SLC25A21: variants seen among roughly 807,000 people sequenced by gnomAD.
The protein encoded by SLC25A21 is solute carrier family 25 member 21, also known as mitochondrial 2-oxodicarboxylate carrier.
SLC25A21 carries 47 observed loss-of-function variants against 43.8 expected under a neutral mutation model. That is an observed-to-expected ratio of 1.07 (90% CI 0.85 to 1.37). SLC25A21 has a LOEUF of 1.37. SLC25A21 is among the 40% of genes most tolerant of loss of function. SLC25A21 has a pLI of 0.00. For missense variants in SLC25A21, 352 were observed against 350.2 expected (o/e 1.00, Z -0.04); for synonymous variants, 131 against 121.3 (o/e 1.08, Z -0.52).
intron 1 of SLC25A21, among the ~76,000 whole-genome samples, chr14:36,970,853 T>G (rs1244066061): frequency 6.6e-6 from 1 of 152,238 alleles, no homozygotes; most frequent in Non-Finnish European, 1.5e-5. Context: ...TACTATAGGT[T>G]AGGAATATTA....
chr14:37,085,517 T>A (rs1962467429), intron 1 of SLC25A21, among the ~76,000 whole-genome samples: 1 of 152,226 alleles, frequency 6.6e-6, no homozygotes, highest in South Asian at 2.1e-4. Flanking sequence ...GATGAACACA[T>A]TGATTCTCAA....
chr14:36,859,865 A>C (rs1890017826), intron 2 of SLC25A21, among the ~76,000 whole-genome samples: 1 of 152,214 alleles, frequency 6.6e-6, no homozygotes, highest in African/African-American at 2.4e-5. Flanking sequence ...TTTTCCAAAT[A>C]CATAATTTGA....
chr14:36,872,538 G>C (rs572080193), intron 2 of SLC25A21, among the ~76,000 whole-genome samples: 81 of 152,238 alleles, frequency 5.3e-4, no homozygotes, highest in Non-Finnish European at 1.1e-3. Context: ...TATCAATCTT[G>C]CATATTCTAC....
At chr14:37,053,880 A>G (rs1961762905) in intron 1 of SLC25A21, among the ~76,000 whole-genome samples, 1 of 152,234 alleles carries the variant, frequency 6.6e-6, no homozygotes, top group African/African-American at 2.4e-5. Flanking sequence ...AATGGATTAA[A>G]GCACATCAAT....
chr14:36,826,468 T>C (rs1888836276), intron 2 of SLC25A21, among the ~76,000 whole-genome samples: 1 of 152,148 alleles, frequency 6.6e-6, no homozygotes, highest in South Asian at 2.1e-4. Context: ...TAAGCCACTC[T>C]CCCTGCTCTG....
At chr14:36,803,567 TTTA>T (rs1332104190) in intron 3 of SLC25A21, among the ~76,000 whole-genome samples, 1 of 152,218 alleles carries the variant, frequency 6.6e-6, no homozygotes. Context: ...ACAACCTCTC[TTTA>T]AGAGTTTCCA....
chr14:37,084,108 G>C (rs947981069), intron 1 of SLC25A21, among the ~76,000 whole-genome samples: 3 of 152,122 alleles, frequency 2.0e-5, no homozygotes, highest in African/African-American at 7.2e-5. Flanking sequence ...GCCACAGCTT[G>C]AACCATTAAT....
rs148038041 is a variant in SLC25A21, at chr14:36,679,128, A to G, written c.*1530T>C. ...CAGCGCTCTCATTGGATGTAAGAAT[A>G]TTACCTGCAAGGATAGAATGCAGTT... On this transcript the variant is annotated 3_prime_UTR_variant, in exon 10 of 10. Transcript: ENST00000331299. 9.5e-4 allele frequency: 932 copies of G among 985,416 alleles called. 5 individuals are homozygous for G. The African/African-American group carries it at 0.015, about 16-fold the overall frequency. 61.0% of individuals were successfully genotyped at this position (985,416 alleles called of 1,614,324 possible).
At chr14:36,760,434 T>C (rs1444162463) in intron 3 of SLC25A21, among the ~76,000 whole-genome samples, 1 of 151,978 alleles carries the variant, frequency 6.6e-6, no homozygotes, top group African/African-American at 2.4e-5. Flanking sequence ...GAGATAGTAA[T>C]TTTTTTATTG....
chr14:36,829,769 C>T (rs1225269020), intron 2 of SLC25A21, among the ~76,000 whole-genome samples: 2 of 152,206 alleles, frequency 1.3e-5, no homozygotes, highest in East Asian at 3.8e-4. Context: ...CCAAGCCCAA[C>T]CCCTTCAGCA....
intron 1 of SLC25A21, among the ~76,000 whole-genome samples, chr14:36,923,103 T>G (rs535586382): frequency 6.6e-6 from 1 of 152,128 alleles, no homozygotes; most frequent in African/African-American, 2.4e-5. Flanking sequence ...CTATAAATCA[T>G]GTATTTAAAA....
At chr14:36,891,090 C>T (rs1891060398) in intron 1 of SLC25A21, among the ~76,000 whole-genome samples, 3 of 152,062 alleles carry the variant, frequency 2.0e-5, no homozygotes, top group South Asian at 2.1e-4. Context: ...TAGATACCAA[C>T]GAATGAAAAA....
chr14:36,710,100 C>T (rs562361515), intron 7 of SLC25A21, among the ~76,000 whole-genome samples: 1 of 152,228 alleles, frequency 6.6e-6, no homozygotes, highest in African/African-American at 2.4e-5. Context: ...TAAGGTCTTA[C>T]TTGGCTGGGC....
chr14:36,890,905 A>C (rs1891056331), intron 1 of SLC25A21, among the ~76,000 whole-genome samples: 1 of 152,214 alleles, frequency 6.6e-6, no homozygotes, highest in Non-Finnish European at 1.5e-5. Flanking sequence ...GCATGTCGTA[A>C]AGAAATGCAA....
chr14:36,850,807 G>GAAT (rs1889704402), intron 2 of SLC25A21, among the ~76,000 whole-genome samples: 1 of 152,122 alleles, frequency 6.6e-6, no homozygotes, highest in African/African-American at 2.4e-5. Context: ...ATCTATTTAA[G>GAAT]AAGCAATATT....
rs372491771 is a variant in SLC25A21, at chr14:36,838,194, G to A, written c.120-24193C>T. The stretch of plus-strand genomic sequence containing the variant: ...CACACGGCTGCCAGGGCCTCACTCG[G>A]CTTTCTCCTCGGTGTGAGGATACGG... On this transcript the variant is annotated intron_variant, in intron 2 of 9. Coordinates refer to ENST00000331299, the MANE Select transcript of SLC25A21 (RefSeq NM_030631.4). Among the ~76,000 whole-genome samples the A allele has an allele frequency of 6.0e-4, 91 of 152,324 alleles. 1 individual carries two copies. In the East Asian group the frequency reaches 0.016, roughly 27 times the overall value.
rs61989482 is a variant in SLC25A21 at position 36,987,356 on chromosome 14, A to C, written c.71-112352T>G. On this transcript the variant is annotated intron_variant, in intron 1 of 9. Transcript: ENST00000331299. Reference sequence around the variant, plus strand: ...CTAACCAAACACTACAATTTTTTTCATAAGTACATTTTAATATGTTTTCCA... The same window carrying C: ...CTAACCAAACACTACAATTTTTTTCCTAAGTACATTTTAATATGTTTTCCA... Among the ~76,000 whole-genome samples the C allele has an allele frequency of 8.5e-3, 1,288 of 152,302 alleles. 12 individuals carry two copies. Among genetic ancestry groups the C allele is most frequent in the Non-Finnish European group, 0.013 (900 of 68,014 alleles).
chr14:36,679,849 A>AACTT lies in SLC25A21; in HGVS notation c.*805_*808dup. 3.0e-6 allele frequency: 3 copies of AACTT among 984,370 alleles called. No individual in the cohort carries two copies. The highest frequency in any genetic ancestry group is 3.6e-6 in the Non-Finnish European group (3 of 828,980). 61.0% of individuals were successfully genotyped at this position (984,370 alleles called of 1,614,324 possible). A position where few individuals can be genotyped will look rare whatever the true frequency, so the allele number is the denominator to read the frequency against. ...TAACATGACAATATCTCATCAACAA[A>AACTT]ACTTATCTTCAAAGAGAACTATGTG... On this transcript the variant is annotated 3_prime_UTR_variant, in exon 10 of 10. Transcript: ENST00000331299.
At chr14:36,877,187 T>G (rs74047033) in intron 1 of SLC25A21, among the ~76,000 whole-genome samples, 4,850 of 152,126 alleles carry the variant, frequency 0.032, 248 homozygotes, top group African/African-American at 0.11. Flanking sequence ...TGACTTGACA[T>G]TAGAGTAGAA....
Sources: allele counts gnomAD v4.1 joint callset (sites outside exome capture counted in the v4.1 genomes callset), GRCh38; gene constraint gnomAD v4.1.1; transcripts MANE v1.5; gene names NCBI Gene and HGNC (gene_info 2026-07-23, HGNC 2026-07-21).